LDAH: variants seen among roughly 807,000 people sequenced by gnomAD.
LDAH encodes the protein lipid droplet-associated hydrolase.
Under a neutral mutation model 29.6 loss-of-function variants are expected in LDAH, and 26 were observed. The observed-to-expected ratio is 0.88, with a 90% CI of 0.64 to 1.22. LDAH has a LOEUF of 1.22. Ranked by LOEUF, LDAH falls within the 50% of genes most tolerant of loss-of-function variation. The pLI is 0.00. For synonymous variants in LDAH, 117 were observed against 133.0 expected, an observed-to-expected ratio of 0.88 and a Z score of 0.83; for missense variants, 344 against 387.3, an observed-to-expected ratio of 0.89 and a Z score of 0.94.
At chr2:20,776,040 C>T (rs1196102271) in intron 3 of LDAH, among the ~76,000 whole-genome samples, 2 of 152,096 alleles carry the variant, frequency 1.3e-5, no homozygotes, top group Non-Finnish European at 2.9e-5. Flanking sequence ...ATATATATAA[C>T]CCAATGACAG....
At chr2:20,792,644 C>T (rs181076359) in intron 2 of LDAH, among the ~76,000 whole-genome samples, 43 of 152,110 alleles carry the variant, frequency 2.8e-4, no homozygotes, top group Admixed American at 2.6e-3. Flanking sequence ...ATGGTAGGGG[C>T]TGAATAAATG....
At chr2:20,800,297 A>G (rs1208298369) in intron 2 of LDAH, among the ~76,000 whole-genome samples, 1 of 152,260 alleles carries the variant, frequency 6.6e-6, no homozygotes, top group East Asian at 1.9e-4. Context: ...CCAAATAAAC[A>G]TTGTAAATGA....
chr2:20,729,432 A>G (rs1210740208), intron 5 of LDAH, among the ~76,000 whole-genome samples: 1 of 152,216 alleles, frequency 6.6e-6, no homozygotes, highest in Admixed American at 6.5e-5. Flanking sequence ...AAAAATGTAT[A>G]AAATTTATAT....
chr2:20,778,095 A>G (rs1669940106), intron 3 of LDAH, among the ~76,000 whole-genome samples: 1 of 152,048 alleles, frequency 6.6e-6, no homozygotes, highest in African/African-American at 2.4e-5. Context: ...GGGGGAAAGA[A>G]AGAGAGATCA....
In LDAH at chr2:20,701,762, T is replaced by C. The variant is rs180805148; in HGVS notation, c.704-110A>G. Reference sequence around the variant, plus strand: ...CTCCTTTCTTTTGGCACGTGCTATCTGATGAGAGATACTGGTGAGGCCAAC... The same window carrying C: ...CTCCTTTCTTTTGGCACGTGCTATCCGATGAGAGATACTGGTGAGGCCAAC... On this transcript the variant is annotated intron_variant, in intron 5 of 6. Coordinates refer to ENST00000237822, the MANE Select transcript of LDAH (RefSeq NM_021925.4). The C allele has an allele frequency of 4.0e-4, 354 of 874,894 alleles. 1 individual carries two copies. In the African/African-American group the frequency reaches 5.2e-3, roughly 13 times the overall value. 54.2% of individuals were successfully genotyped at this position (874,894 alleles called of 1,614,324 possible).
At chr2:20,691,607 A>T (rs148360565) in intron 6 of LDAH, among the ~76,000 whole-genome samples, 1 of 152,224 alleles carries the variant, frequency 6.6e-6, no homozygotes, top group African/African-American at 2.4e-5. Context: ...AATCAGCAGG[A>T]TGTTTACATT....
chr2:20,774,166 T>G (rs1294379042), intron 4 of LDAH, among the ~76,000 whole-genome samples: 1 of 152,232 alleles, frequency 6.6e-6, no homozygotes, highest in Non-Finnish European at 1.5e-5. Flanking sequence ...AGTACAATTT[T>G]TTTGTTTTGT....
chr2:20,802,835 G>A (rs1202756456), intron 1 of LDAH, among the ~76,000 whole-genome samples: 1 of 152,058 alleles, frequency 6.6e-6, no homozygotes, highest in Non-Finnish European at 1.5e-5. Flanking sequence ...ATTCTTCATT[G>A]TCTTATCTGG....
At chr2:20,766,111 A>AT (rs1472971334) in intron 4 of LDAH, among the ~76,000 whole-genome samples, 17 of 151,944 alleles carry the variant, frequency 1.1e-4, no homozygotes, top group African/African-American at 4.1e-4. Context: ...TAAGATATAC[A>AT]TTCGACATTA....
intron 5 of LDAH, among the ~76,000 whole-genome samples, chr2:20,734,877 C>A (rs940802722): frequency 2.0e-5 from 3 of 152,186 alleles, no homozygotes; most frequent in African/African-American, 7.2e-5. Flanking sequence ...ATTTCCCCTT[C>A]TTTCCTGAAA....
At chr2:20,821,848 A>C (rs755774294) in intron 1 of LDAH, among the ~76,000 whole-genome samples, 23 of 152,208 alleles carry the variant, frequency 1.5e-4, no homozygotes, top group Admixed American at 3.3e-4. Context: ...TTAAAATATA[A>C]AATTTTAGAT....
chr2:20,780,617 G>A (rs1216258232), intron 3 of LDAH, among the ~76,000 whole-genome samples: 2 of 152,120 alleles, frequency 1.3e-5, no homozygotes, highest in Non-Finnish European at 2.9e-5. Context: ...GTCTGGACTC[G>A]GTTCTGTGAT....
At chr2:20,763,631 C>T (rs1369388656) in intron 4 of LDAH, among the ~76,000 whole-genome samples, 2 of 152,222 alleles carry the variant, frequency 1.3e-5, no homozygotes, top group Non-Finnish European at 1.5e-5. Context: ...AGTAAATATA[C>T]AGCTTTCTCT....
intron 5 of LDAH, among the ~76,000 whole-genome samples, chr2:20,710,751 A>C (rs1402131562): frequency 6.7e-6 from 1 of 148,780 alleles, no homozygotes; most frequent in Non-Finnish European, 1.5e-5. Context: ...ACACATATAC[A>C]TATATATACA....
chr2:20,743,949 C>G (rs1667391735), intron 4 of LDAH, among the ~76,000 whole-genome samples: 1 of 151,576 alleles, frequency 6.6e-6, no homozygotes, highest in South Asian at 2.1e-4. Context: ...GAGACATTCT[C>G]AGGCTCAGAG....
intron 5 of LDAH, among the ~76,000 whole-genome samples, chr2:20,728,816 GA>G (rs113580844): frequency 0.033 from 4,767 of 146,598 alleles, 222 homozygotes; most frequent in African/African-American, 0.11. Flanking sequence ...AGGTTATGGG[GA>G]AAAAAAAAAA....
intron 5 of LDAH, among the ~76,000 whole-genome samples, chr2:20,717,340 T>C (rs910014099): frequency 6.6e-6 from 1 of 152,158 alleles, no homozygotes; most frequent in Non-Finnish European, 1.5e-5. Context: ...ATGTGCCATA[T>C]GTCAAAGGTA....
At chr2:20,726,702 C>A (rs7576149) in intron 5 of LDAH, among the ~76,000 whole-genome samples, 9 of 152,048 alleles carry the variant, frequency 5.9e-5, no homozygotes, top group Non-Finnish European at 1.3e-4. Context: ...AGAAATGTTT[C>A]GTAGTCAACA....
chr2:20,784,410 A>C (rs2125052192), intron 3 of LDAH, among the ~76,000 whole-genome samples: 1 of 152,266 alleles, frequency 6.6e-6, no homozygotes, highest in East Asian at 1.9e-4. Flanking sequence ...GTATCTCTAA[A>C]TAAATAAATA....
Sources: allele counts gnomAD v4.1 joint callset (sites outside exome capture counted in the v4.1 genomes callset), GRCh38; gene constraint gnomAD v4.1.1; transcripts MANE v1.5; gene names NCBI Gene and HGNC (gene_info 2026-07-23, HGNC 2026-07-21).